The following MCC variants were observed in gnomAD, a reference collection of about 807,000 sequenced individuals.
MCC encodes the protein MCC regulator of Wnt signaling pathway.
In MCC, 90 loss-of-function variants were observed where a neutral mutation model predicts 116.2. That is an observed-to-expected ratio of 0.77 (90% confidence interval 0.65 to 0.92). The LOEUF is 0.92. MCC is among the 40% of genes least tolerant of loss of function. The pLI, the probability that MCC is intolerant of heterozygous loss-of-function variation, is 0.00. For missense variants in MCC, 1,516 were observed against 1,312.2 expected, an observed-to-expected ratio of 1.16 and a Z score of -2.40; for synonymous variants, 578 against 510.5, an observed-to-expected ratio of 1.13 and a Z score of -1.78.
intron 5 of MCC, among the ~76,000 whole-genome samples, chr5:113,133,106 G>A (rs1292689246): frequency 6.6e-6 from 1 of 151,908 alleles, no homozygotes; most frequent in Non-Finnish European, 1.5e-5. Flanking sequence ...CAGGATAACT[G>A]GGATATCCAT....
At chr5:113,467,057 T>G (rs1318750957) in intron 1 of MCC, among the ~76,000 whole-genome samples, 2 of 150,552 alleles carry the variant, frequency 1.3e-5, no homozygotes, top group Admixed American at 6.6e-5. Flanking sequence ...TAAATTTGTT[T>G]GAGTTCATTG....
intron 3 of MCC, among the ~76,000 whole-genome samples, chr5:113,285,894 G>A (rs542038724): frequency 3.3e-5 from 5 of 152,120 alleles, no homozygotes; most frequent in South Asian, 2.1e-4. Flanking sequence ...ATATGTGAAC[G>A]GTTACAAGAT....
chr5:113,123,682 T>TCACCAC (rs1757863666), intron 5 of MCC, among the ~76,000 whole-genome samples: 1 of 152,176 alleles, frequency 6.6e-6, no homozygotes, highest in Middle Eastern at 3.4e-3. Flanking sequence ...ACCACCACCA[T>TCACCAC]CACCACACAT....
At chr5:113,308,667 T>C (rs536893675) in intron 3 of MCC, among the ~76,000 whole-genome samples, 1 of 151,628 alleles carries the variant, frequency 6.6e-6, no homozygotes, top group Non-Finnish European at 1.5e-5. Context: ...CTACAGAAAA[T>C]CTAACAAAAA....
chr5:113,134,973 G>A (rs1377572826), intron 5 of MCC, among the ~76,000 whole-genome samples: 14 of 140,364 alleles, frequency 1.0e-4, no homozygotes, highest in East Asian at 4.2e-4. Flanking sequence ...ACAGAGTCTC[G>A]CTCTGTCTCC....
intron 1 of MCC, among the ~76,000 whole-genome samples, chr5:113,475,270 C>G (rs778127575): frequency 1.8e-4 from 27 of 152,330 alleles, no homozygotes; most frequent in Non-Finnish European, 3.2e-4. Context: ...CAAAGCTCAT[C>G]TATCTAGAAT....
chr5:113,084,966 G>A (rs1755103468), intron 9 of MCC, among the ~76,000 whole-genome samples, 198 bp downstream of exon 9: 1 of 152,258 alleles, frequency 6.6e-6, no homozygotes, highest in African/African-American at 2.4e-5. Context: ...CGTCCAGGTT[G>A]CAGCTGAGAG....
At chr5:113,274,358 C>G (rs1765733419) in intron 3 of MCC, among the ~76,000 whole-genome samples, 1 of 152,098 alleles carries the variant, frequency 6.6e-6, no homozygotes, top group Non-Finnish European at 1.5e-5. Context: ...ACTAAAGATA[C>G]TTTTGTTTTG....
chr5:113,151,266 AC>A lies in MCC; in HGVS notation c.741+42del, dbSNP rs1759848005. 12 of 1,228,474 alleles carry A rather than the reference AC, an allele frequency of 9.8e-6. No individual in the cohort carries two copies. The East Asian group carries it at 2.6e-4, about 27-fold the overall frequency. The allele number at this position is 1,228,474 out of a possible 1,614,324, so 76.1% of individuals were successfully genotyped here. A position where few individuals can be genotyped will look rare whatever the true frequency, so the allele number is the denominator to read the frequency against. ...TTTATCTTAAGATTAAATATTTAAA[AC>A]AAAAAACAAAAGCAAACTAAAAACC... On this transcript the variant is annotated intron_variant, in intron 4 of 18. Transcript: ENST00000408903.
chr5:113,468,318 T>A (rs1163411481), intron 1 of MCC, among the ~76,000 whole-genome samples: 1 of 152,206 alleles, frequency 6.6e-6, no homozygotes, highest in African/African-American at 2.4e-5. Flanking sequence ...GGCTGTGGGT[T>A]TGTCATAGAT....
At chr5:113,279,600 C>A (rs978751900) in intron 3 of MCC, among the ~76,000 whole-genome samples, 1 of 152,180 alleles carries the variant, frequency 6.6e-6, no homozygotes, top group African/African-American at 2.4e-5. Context: ...GCATGTAGAA[C>A]ACAATTATAG....
intron 1 of MCC, among the ~76,000 whole-genome samples, chr5:113,479,735 T>C (rs1462310938): frequency 6.6e-6 from 1 of 152,180 alleles, no homozygotes; most frequent in Non-Finnish European, 1.5e-5. Context: ...AGGATTTTAA[T>C]GGTTTTTCTT....
chr5:113,386,314 A>C (rs1769253316), intron 1 of MCC, among the ~76,000 whole-genome samples: 1 of 151,862 alleles, frequency 6.6e-6, no homozygotes, highest in African/African-American at 2.4e-5. Context: ...TGCTAAGACC[A>C]CTCTTCAAGT....
At chr5:113,380,368 T>C (rs988164110) in intron 2 of MCC, among the ~76,000 whole-genome samples, 1 of 152,234 alleles carries the variant, frequency 6.6e-6, no homozygotes, top group Non-Finnish European at 1.5e-5. Context: ...TTTTGTTAAC[T>C]CTACTTTAAA....
chr5:113,266,249 A>ACACC (rs1765412926), intron 3 of MCC, among the ~76,000 whole-genome samples: 2 of 151,926 alleles, frequency 1.3e-5, no homozygotes, highest in African/African-American at 4.8e-5. Context: ...ACACACACAC[A>ACACC]CACACACACA....
chr5:113,442,385 A>C (rs767860332), intron 1 of MCC, among the ~76,000 whole-genome samples: 5 of 152,020 alleles, frequency 3.3e-5, no homozygotes, highest in Non-Finnish European at 5.9e-5. Context: ...TTCTTTGCAG[A>C]TTCTGGATAT....
intron 2 of MCC, among the ~76,000 whole-genome samples, chr5:113,354,682 G>A (rs1486505224): frequency 2.0e-5 from 3 of 151,658 alleles, no homozygotes; most frequent in Non-Finnish European, 2.9e-5. Context: ...TGATCTGCCC[G>A]CCTCGGCCTC....
chr5:113,198,888 G>T (rs1323213455), intron 3 of MCC, among the ~76,000 whole-genome samples: 1 of 151,970 alleles, frequency 6.6e-6, no homozygotes, highest in Non-Finnish European at 1.5e-5. Flanking sequence ...GGCTCACAAG[G>T]GTTGGATGTT....
intron 1 of MCC, among the ~76,000 whole-genome samples, chr5:113,472,782 T>C (rs1261206510): frequency 6.6e-6 from 1 of 152,240 alleles, no homozygotes; most frequent in East Asian, 1.9e-4. Context: ...TCACAGATGC[T>C]AATTCTGGAA....
Sources: gnomAD v4.1 joint callset for allele counts (sites outside exome capture counted in the v4.1 genomes callset) on GRCh38, gnomAD v4.1.1 for gene constraint, MANE v1.5 for transcripts, NCBI Gene and HGNC (gene_info 2026-07-23, HGNC 2026-07-21) for gene names.